ZNF280D: variants seen among roughly 807,000 people sequenced by gnomAD.
The protein encoded by ZNF280D is zinc finger protein 280D.
ZNF280D carries 39 observed loss-of-function variants against 94.7 expected under a neutral mutation model. That is an observed-to-expected ratio of 0.41 (90% CI 0.32 to 0.54). ZNF280D has a LOEUF of 0.54. Among genes scored for constraint, ZNF280D ranks in the 20% least tolerant of loss-of-function variants. The pLI, the probability that ZNF280D is intolerant of heterozygous loss-of-function variation, is 0.22. For missense variants in ZNF280D, 1,090 were observed against 1,149.3 expected, an observed-to-expected ratio of 0.95 and a Z score of 0.75; for synonymous variants, 398 against 377.6, an observed-to-expected ratio of 1.05 and a Z score of -0.63.
intron 7 of ZNF280D, among the ~76,000 whole-genome samples, chr15:56,689,725 T>C (rs1164645132): frequency 6.6e-6 from 1 of 150,602 alleles, no homozygotes; most frequent in African/African-American, 2.4e-5. Context: ...TGGCTTCAAA[T>C]AAAGAAATAT....
chr15:56,724,616 A>G (rs2058542002), intron 1 of ZNF280D, among the ~76,000 whole-genome samples: 2 of 152,218 alleles, frequency 1.3e-5, no homozygotes, highest in Non-Finnish European at 2.9e-5. Flanking sequence ...AATAAAATGA[A>G]CTTTTTCTAA....
intron 13 of ZNF280D, among the ~76,000 whole-genome samples, chr15:56,669,948 ATTAT>A (rs1262426384): frequency 7.8e-4 from 2 of 2,568 alleles, no homozygotes; most frequent in African/African-American, 2.6e-3. Flanking sequence ...ATATATATAT[ATTAT>A]ATATATATAT....
intron 4 of ZNF280D, among the ~76,000 whole-genome samples, chr15:56,702,982 A>C (rs902100964): frequency 2.6e-5 from 4 of 151,060 alleles, no homozygotes; most frequent in Non-Finnish European, 4.4e-5. Flanking sequence ...GGGTACATAA[A>C]ATTCTTTGGT....
At chr15:56,719,664 T>A (rs2141382975) in intron 1 of ZNF280D, among the ~76,000 whole-genome samples, 1 of 152,226 alleles carries the variant, frequency 6.6e-6, no homozygotes, top group South Asian at 2.1e-4. Flanking sequence ...TCTAGATATT[T>A]AAACGCACCT....
chr15:56,630,370 A>G lies in ZNF280D; in HGVS notation c.*1128T>C, dbSNP rs2052031025. ...ATTTCAAAGCAAACTACTGTTCTTCATATTATTCATTTCTATATCTATTAT... is the reference window on the plus strand; with the variant it reads ...ATTTCAAAGCAAACTACTGTTCTTCGTATTATTCATTTCTATATCTATTAT... On this transcript the variant is annotated 3_prime_UTR_variant, in exon 22 of 22. Transcript: ENST00000267807. 1 of 152,134 alleles carries G rather than the reference A, an allele frequency of 6.6e-6. No homozygotes were observed. Among genetic ancestry groups the G allele is most frequent in the Non-Finnish European group, 1.5e-5 (1 of 67,992 alleles). 9.4% of individuals were successfully genotyped at this position (152,134 alleles called of 1,614,324 possible).
intron 1 of ZNF280D, among the ~76,000 whole-genome samples, chr15:56,728,664 T>G (rs8025391): frequency 6.6e-6 from 1 of 151,990 alleles, no homozygotes; most frequent in African/African-American, 2.4e-5. Context: ...TTCCAGGGTC[T>G]TGTATGAAAG....
chr15:56,691,288 A>AT (rs1473501633), intron 7 of ZNF280D, among the ~76,000 whole-genome samples: 1 of 152,078 alleles, frequency 6.6e-6, no homozygotes, highest in South Asian at 2.1e-4. Flanking sequence ...CATAAAAATG[A>AT]TTTTTTTCCA....
In ZNF280D at chr15:56,689,469, A is replaced by G; in HGVS notation, c.501T>C (p.Gly167=). The part of the protein sequence containing the change: ...YQGGPTLSMA[G]MSESSFLSKR... Reference sequence around the variant, plus strand: ...TTGATAAAAATGAACTTTCACTCATACCTACAATAATTTAAATAGTGAGAA... The same window carrying G: ...TTGATAAAAATGAACTTTCACTCATGCCTACAATAATTTAAATAGTGAGAA... The change falls in exon 8 of 22, where the codon GGT becomes GGC. Residue 167 remains glycine (G), a splice_region_variant and synonymous_variant. Coordinates refer to ENST00000267807, the MANE Select transcript of ZNF280D (RefSeq NM_017661.4). 5.3e-6 allele frequency: 8 copies of G among 1,504,848 alleles called. No individual in the cohort carries two copies. Among genetic ancestry groups the G allele is most frequent in the Non-Finnish European group, 7.2e-6 (8 of 1,118,610 alleles). The allele number at this position is 1,504,848 out of a possible 1,614,324, so 93.2% of individuals were successfully genotyped here. A position where few individuals can be genotyped will look rare whatever the true frequency, so the allele number is the denominator to read the frequency against.
At chr15:56,719,726 A>T (rs1402331442) in intron 1 of ZNF280D, among the ~76,000 whole-genome samples, 1 of 152,082 alleles carries the variant, frequency 6.6e-6, no homozygotes, top group African/African-American at 2.4e-5. Flanking sequence ...GTTCCAGACC[A>T]CCACAATAAA....
Position 56,700,943 on chromosome 15 carries a change from A to G in ZNF280D, c.371T>C (p.Phe124Ser), listed in dbSNP as rs1439218225. The stretch of plus-strand genomic sequence containing the variant: ...TTTAGAAACACTTACAGGTTTAGAA[A>G]AAGGCTGAACAATAACAGAACTATC... ...SSDSSVIVQP[F>S]SKPGYITNSS... Residue 124 changes from phenylalanine to serine, a missense_variant, in exon 6 of 22, where the codon TTT (phenylalanine) becomes TCT (serine). Around this residue, in one of 3 missense-constraint regions of ZNF280D, gnomAD observed 386 missense variants for 372.0 expected, o/e 1.04. Coordinates refer to ENST00000267807, the MANE Select transcript of ZNF280D (RefSeq NM_017661.4). 6.2e-7 allele frequency: 1 copy of G among 1,613,948 alleles called. No individual in the cohort carries two copies. Among genetic ancestry groups the G allele is most frequent in the South Asian group, 1.1e-5 (1 of 91,070 alleles).
intron 1 of ZNF280D, among the ~76,000 whole-genome samples, chr15:56,724,271 T>A (rs555512375): frequency 6.6e-6 from 1 of 152,294 alleles, no homozygotes; most frequent in East Asian, 1.9e-4. Flanking sequence ...GCCCCCAAAT[T>A]AACAATTTAC....
chr15:56,701,028 G>T lies in ZNF280D; in HGVS notation c.286C>A (p.Pro96Thr). ...GAGGCAGGCACTGGATTTGATGTTG[G>T]ATTCGTGTAGTGTTGACTTGTAGGC... ...FKPTSQHYTNPTSNPVPASPI... is the reference protein window; with the variant it reads ...FKPTSQHYTNTTSNPVPASPI... Residue 96 changes from proline (P) to threonine (T), a missense_variant, in exon 6 of 22, where the codon CCA (proline) becomes ACA (threonine). Around this residue, in one of 3 missense-constraint regions of ZNF280D, gnomAD observed 386 missense variants for 372.0 expected, o/e 1.04. Transcript: ENST00000267807. The T allele has an allele frequency of 6.2e-7, 1 of 1,613,846 alleles. No homozygotes were observed. The highest frequency in any genetic ancestry group is 8.5e-7 in the Non-Finnish European group (1 of 1,179,798).
intron 13 of ZNF280D, among the ~76,000 whole-genome samples, chr15:56,669,993 TATA>T (rs1434374313): frequency 0.021 from 39 of 1,854 alleles, 13 homozygotes; most frequent in African/African-American, 0.04. Context: ...ATTATATATA[TATA>T]TTATATATAT....
intron 10 of ZNF280D, among the ~76,000 whole-genome samples, chr15:56,681,777 C>A (rs1277486084): frequency 6.6e-6 from 1 of 152,030 alleles, no homozygotes; most frequent in Non-Finnish European, 1.5e-5. Context: ...CTTCCTAGAA[C>A]TGATACATCT....
rs2054629374 is a variant in ZNF280D at position 56,669,910 on chromosome 15, TATATTATA to T, written c.1411-961_1411-954del. Among the ~76,000 whole-genome samples the T allele has an allele frequency of 2.9e-4, 2 of 6,968 alleles. 1 individual carries two copies. The highest frequency in any genetic ancestry group is 5.4e-4 in the Non-Finnish European group (2 of 3,732). The allele number at this position is 6,968 out of a possible 152,430, so 4.6% of individuals were successfully genotyped here. A position where few individuals can be genotyped will look rare whatever the true frequency, so the allele number is the denominator to read the frequency against. ...ATATTATATATATATATAATATATATATATTATATATATATTATATATATATTATATAT... is the reference window on the plus strand; with the variant it reads ...ATATTATATATATATATAATATATATTATATATTATATATATATTATATAT... On this transcript the variant is annotated intron_variant, in intron 13 of 21. Transcript: ENST00000267807.
rs1475385469 is a variant in ZNF280D, at chr15:56,668,884, G to C, written c.1484C>G (p.Thr495Ser). 6.2e-7 allele frequency: 1 copy of C among 1,612,036 alleles called. No homozygotes were observed. Among genetic ancestry groups the C allele is most frequent in the South Asian group, 1.1e-5 (1 of 90,886 alleles). ...LTCKEKMDHKTQHHRTFIKPK... is the reference protein window; with the variant it reads ...LTCKEKMDHKSQHHRTFIKPK... ...TTTTATAAATGTTCGATGGTGTTGA[G>C]TCTTATGATCCATTTTCTCCTTGCA... Residue 495 changes from threonine (T) to serine (S), a missense_variant, in exon 14 of 22, where the codon ACT becomes AGT. Physicochemically the swap from Thr to Ser is moderately conservative, Grantham distance 58. This residue lies in a region of ZNF280D where 577 missense variants were observed against 568.8 expected (regional missense o/e 1.01). Transcript: ENST00000267807.
In ZNF280D at chr15:56,642,946, CTT is replaced by C; in HGVS notation, c.2259+4_2259+5del. 13 of 1,493,840 alleles carry C rather than the reference CTT, an allele frequency of 8.7e-6. No homozygotes were observed. The highest frequency in any genetic ancestry group is 1.1e-5 in the Non-Finnish European group (12 of 1,125,924). The allele number at this position is 1,493,840 out of a possible 1,614,324, so 92.5% of individuals were successfully genotyped here. A position where few individuals can be genotyped will look rare whatever the true frequency, so the allele number is the denominator to read the frequency against. On this transcript the variant is annotated splice_donor_5th_base_variant and intron_variant, in intron 20 of 21. Coordinates refer to ENST00000267807, the MANE Select transcript of ZNF280D (RefSeq NM_017661.4). The stretch of plus-strand genomic sequence containing the variant: ...CCTTTAAGGTATAAAGTAAAACAAA[CTT>C]TACCTTAGACACAGGTTCTTGTTCC...
intron 19 of ZNF280D, chr15:56,652,882 GTAGAGAATTCTAAGAAATCTCT>G: frequency 1.4e-5 from 14 of 983,590 alleles, no homozygotes; most frequent in Non-Finnish European, 1.7e-5. Context: ...CACAAAATCT[GTAGAGAATTCTAAGAAATCTCT>G]TGGAGTTCTT....
At position 56,661,882 on chromosome 15, in the gene ZNF280D, CTTTCT is replaced by C. The variant is rs1397858529; in HGVS notation, c.1995-3401_1995-3397del. Among the ~76,000 whole-genome samples the C allele has an allele frequency of 3.3e-5, 5 of 152,118 alleles. No individual in the cohort carries two copies. The South Asian group carries it at 8.3e-4, about 25-fold the overall frequency. On this transcript the variant is annotated intron_variant, in intron 16 of 21. Coordinates refer to ENST00000267807, the MANE Select transcript of ZNF280D (RefSeq NM_017661.4). ...ACAGTTTTTCTAAAAGTCACAATAA[CTTTCT>C]TTTCAAGAAATGCAATCTGAGAGTC...
Sources: allele counts gnomAD v4.1 joint callset (sites outside exome capture counted in the v4.1 genomes callset), GRCh38; gene constraint gnomAD v4.1.1; regional missense constraint gnomAD v4.1.1; transcripts MANE v1.5; gene names NCBI Gene and HGNC (gene_info 2026-07-23, HGNC 2026-07-21).